The following PCDHGB5 variants were observed in gnomAD, a reference collection of about 807,000 sequenced individuals.
PCDHGB5 encodes the protein protocadherin gamma subfamily B, 5, also known as protocadherin gamma-B5.
A neutral mutation model predicts 62.9 loss-of-function variants in PCDHGB5; 48 were observed. The observed-to-expected ratio is 0.76, with a 90% confidence interval of 0.61 to 0.97. The LOEUF is 0.97. Ranked by LOEUF, PCDHGB5 falls within the 50% of genes least tolerant of loss-of-function variation. The pLI is 0.00. For missense variants in PCDHGB5, 1,118 were observed against 1,198.6 expected (o/e 0.93, Z 0.99); for synonymous variants, 474 against 511.2 (o/e 0.93, Z 0.98).
Position 141,485,718 on chromosome 5 carries a change from T to A in PCDHGB5, c.2398-9089T>A, listed in dbSNP as rs562192762. ...TCCAATGAACACTTTGCACTGGATG[T>A]GAAGAAGCGCAGCGACGGCAGCCTG... On this transcript the variant is annotated intron_variant, in intron 1 of 3. Coordinates refer to ENST00000617380, the MANE Select transcript of PCDHGB5 (RefSeq NM_018925.3). The surrounding 1 kb of genome is among the most constrained non-coding windows in gnomAD (Gnocchi z 5.7). 1 of 1,614,058 alleles carries A rather than the reference T, an allele frequency of 6.2e-7. No homozygotes were observed. The highest frequency in any genetic ancestry group is 2.2e-5 in the East Asian group (1 of 44,866).
intron 2 of PCDHGB5, among the ~76,000 whole-genome samples, chr5:141,502,866 C>CTTTTTCTT (rs2099816520): frequency 1.6e-5 from 2 of 128,030 alleles, no homozygotes; most frequent in African/African-American, 6.2e-5. Flanking sequence ...GACTCTCTGT[C>CTTTTTCTT]TTTTTTTTTT....
At chr5:141,492,195 CTT>C (rs1240529719) in intron 1 of PCDHGB5, among the ~76,000 whole-genome samples, 1 of 152,242 alleles carries the variant, frequency 6.6e-6, no homozygotes, top group Non-Finnish European at 1.5e-5. Context: ...GTCTGCGGGA[CTT>C]AGGTGTGCGC....
intron 1 of PCDHGB5, among the ~76,000 whole-genome samples, chr5:141,472,243 T>A (rs1276064128): frequency 6.6e-6 from 1 of 152,190 alleles, no homozygotes; most frequent in East Asian, 1.9e-4. Context: ...TCACTTTCTA[T>A]TTTAAAGTTA....
intron 1 of PCDHGB5, chr5:141,410,849 CTTTTTTTTTTTTTT>C (rs759346998): frequency 7.7e-6 from 1 of 129,786 alleles, no homozygotes; most frequent in African/African-American, 6.0e-5. Context: ...TTGTCTTTGT[CTTTTTTTTTTTTTT>C]TTTTTTTTGA....
rs759226157 is a variant in PCDHGB5 at position 141,399,662 on chromosome 5, C to G, written c.1535C>G (p.Ala512Gly). 6.2e-7 allele frequency: 1 copy of G among 1,613,666 alleles called. No individual in the cohort carries two copies. The highest frequency in any genetic ancestry group is 1.1e-5 in the South Asian group (1 of 91,072). ...SMSAQSGVVFAQRAFDYEQLR... is the reference protein window; with the variant it reads ...SMSAQSGVVFGQRAFDYEQLR... ...AGCGCGCAAAGTGGGGTGGTGTTCG[C>G]GCAGCGCGCCTTTGACTACGAGCAG... Residue 512 changes from alanine to glycine, a missense_variant, in exon 1 of 4, where the codon GCG (alanine) becomes GGG (glycine). Ala to Gly is a moderately conservative substitution (Grantham distance 60, BLOSUM62 0). Transcript: ENST00000617380.
At chr5:141,462,206 T>A (rs574863016) in intron 1 of PCDHGB5, among the ~76,000 whole-genome samples, 7 of 152,066 alleles carry the variant, frequency 4.6e-5, no homozygotes, top group African/African-American at 1.7e-4. Flanking sequence ...GTGATCCGCC[T>A]GCCTCGGCCT....
rs760132234 is a variant in PCDHGB5 at position 141,400,460 on chromosome 5, G to GTGAT, written c.2335_2338dup (p.Ser780Ter). The GTGAT allele has an allele frequency of 6.2e-7, 1 of 1,613,938 alleles. No homozygotes were observed. ...AGTTCAGGACAAGACATACTTTGTG[G>GTGAT]TGATTCATCTGGGGCCTTATTTCCA... is the stretch of plus-strand genomic sequence containing the variant. On this transcript the variant is annotated frameshift_variant, in exon 1 of 4. Transcript: ENST00000617380. LOFTEE classifies it high-confidence loss of function.
intron 1 of PCDHGB5, chr5:141,408,394 C>T: frequency 6.2e-7 from 1 of 1,614,034 alleles, no homozygotes; most frequent in Non-Finnish European, 8.5e-7. Flanking sequence ...TGTCGGCTCG[C>T]AAGCTGCGAG....
intron 1 of PCDHGB5, among the ~76,000 whole-genome samples, chr5:141,482,981 A>T (rs1377809325): frequency 6.7e-6 from 1 of 150,250 alleles, no homozygotes; most frequent in Admixed American, 6.6e-5. Flanking sequence ...GCTACTTGAG[A>T]GGTCGAGGCA....
intron 1 of PCDHGB5, chr5:141,402,981 G>A (rs375892904): frequency 1.2e-6 from 2 of 1,608,410 alleles, no homozygotes; most frequent in Non-Finnish European, 1.7e-6. Flanking sequence ...TGCCAGCTCC[G>A]CGGAAGATTA....
At chr5:141,406,515 T>C (rs2094818414) in intron 1 of PCDHGB5, among the ~76,000 whole-genome samples, 1 of 152,234 alleles carries the variant, frequency 6.6e-6, no homozygotes, top group Non-Finnish European at 1.5e-5. Context: ...TGTTTGTGTT[T>C]ACAGATATTT....
Position 141,485,302 on chromosome 5 carries a change from T to C in PCDHGB5, c.2398-9505T>C. 1.2e-6 allele frequency: 2 copies of C among 1,614,152 alleles called. No homozygotes were observed. Among genetic ancestry groups the C allele is most frequent in the South Asian group, 2.2e-5 (2 of 91,078 alleles). On this transcript the variant is annotated intron_variant, in intron 1 of 3. Coordinates refer to ENST00000617380, the MANE Select transcript of PCDHGB5 (RefSeq NM_018925.3). This position sits in a 1 kb window ranked among gnomAD's most constrained non-coding sequence, Gnocchi z 5.7. ...TCCCAGAGGAGTCACAGGAAGGGAC[T>C]TTTGTAGGGAATGTCGCTCAAGATT... is the stretch of plus-strand genomic sequence containing the variant.
chr5:141,455,860 ATTAT>A (rs145569377), intron 1 of PCDHGB5, among the ~76,000 whole-genome samples: 54,169 of 139,612 alleles, frequency 0.39, 10,686 homozygotes, highest in Admixed American at 0.44. Context: ...AATTTCTTTT[ATTAT>A]TTATTTATTT....
At chr5:141,433,060 C>T in intron 1 of PCDHGB5, 1 of 1,614,198 alleles carries the variant, frequency 6.2e-7, no homozygotes, top group Non-Finnish European at 8.5e-7. Flanking sequence ...GGAAGAGTCA[C>T]CTGATCTTCC....
intron 1 of PCDHGB5, among the ~76,000 whole-genome samples, chr5:141,452,529 G>A (rs758947494): frequency 1.3e-5 from 2 of 152,176 alleles, no homozygotes; most frequent in Non-Finnish European, 2.9e-5. Context: ...AAAATCGTGA[G>A]TTCATATTGA....
rs771884610 is a variant in PCDHGB5, at chr5:141,491,436, G to T, written c.2398-3371G>T. 1 of 1,614,070 alleles carries T rather than the reference G, an allele frequency of 6.2e-7. No individual in the cohort carries two copies. ...ACGGGGGTGGAGGGCAGTGCTGCAGGCGCCAGGACTCACCCTCCCCGGACT... is the reference window on the plus strand; with the variant it reads ...ACGGGGGTGGAGGGCAGTGCTGCAGTCGCCAGGACTCACCCTCCCCGGACT... On this transcript the variant is annotated intron_variant, in intron 1 of 3. Coordinates refer to ENST00000617380, the MANE Select transcript of PCDHGB5 (RefSeq NM_018925.3). The surrounding 1 kb of genome is among the most constrained non-coding windows in gnomAD (Gnocchi z 6.9).
chr5:141,420,050 C>A, intron 1 of PCDHGB5: 1 of 1,614,076 alleles, frequency 6.2e-7, no homozygotes. Context: ...TGAGTCAGTT[C>A]TCTGCTCCAA....
rs889285153 is a variant in PCDHGB5, at chr5:141,494,978, T to C, written c.2456+113T>C. ...TGCTACAGATGGCTTCTCCCTCAGT[T>C]TGAGATCCCAGGGAGGTCTTGGTGT... On this transcript the variant is annotated intron_variant, in intron 2 of 3. Transcript: ENST00000617380. 7.6e-6 allele frequency: 12 copies of C among 1,572,974 alleles called. No homozygotes were observed. In the Admixed American group the frequency reaches 1.3e-4, roughly 17 times the overall value.
chr5:141,445,303 G>A (rs145466142), intron 1 of PCDHGB5, among the ~76,000 whole-genome samples: 327 of 152,332 alleles, frequency 2.1e-3, no homozygotes, highest in African/African-American at 7.6e-3. Context: ...ATTCTCTTCA[G>A]TTTGTAGGTT....
Sources: allele counts gnomAD v4.1 joint callset (sites outside exome capture counted in the v4.1 genomes callset), GRCh38; gene constraint gnomAD v4.1.1; non-coding constraint Gnocchi (gnomAD v3.1); transcripts MANE v1.5; gene names NCBI Gene and HGNC (gene_info 2026-07-23, HGNC 2026-07-21).